Variants in KIRREL3 observed in about 807,000 individuals in gnomAD.
The protein encoded by KIRREL3 is kin of IRRE-like protein 3.
In KIRREL3, 36 loss-of-function variants were observed where a neutral mutation model predicts 89.7. The ratio of observed to expected loss-of-function variants is 0.40; its 90% CI spans 0.31 to 0.53. The LOEUF is 0.53. Among genes scored for constraint, KIRREL3 ranks in the 20% least tolerant of loss-of-function variants. The pLI, the probability that KIRREL3 is intolerant of heterozygous loss-of-function variation, is 0.49. For synonymous variants in KIRREL3, 445 were observed against 441.4 expected (o/e 1.01, Z -0.10); for missense variants, 864 against 1,056.6 (o/e 0.82, Z 2.53).
Position 126,824,293 on chromosome 11 carries a change from C to A in KIRREL3, c.55+176162G>T, listed in dbSNP as rs147501483. Reference sequence around the variant, plus strand: ...GACTGAAGGACCCTCAGCCTTGAATCCTATTCAGAAACAGTCTACAGAGTG... The same window carrying A: ...GACTGAAGGACCCTCAGCCTTGAATACTATTCAGAAACAGTCTACAGAGTG... On this transcript the variant is annotated intron_variant, in intron 1 of 16. Transcript: ENST00000525144. Among the ~76,000 whole-genome samples, 418 of 152,308 alleles carry A rather than the reference C, an allele frequency of 2.7e-3. 2 individuals carry two copies. The highest frequency in any genetic ancestry group is 6.8e-3 in the Middle Eastern group (2 of 294).
chr11:126,627,240 C>G lies in KIRREL3; in HGVS notation c.56-64328G>C, dbSNP rs79704778. 6.6e-6 allele frequency among the ~76,000 whole-genome samples: 1 copy of G among 152,142 alleles called. No homozygotes were observed. The highest frequency in any genetic ancestry group is 1.9e-4 in the East Asian group (1 of 5,178). ...GCCAGGGCACAGAGTGTGAAAGGGA[C>G]CTATTTGGGAGAGGTGGCTGTAGGA... On this transcript the variant is annotated intron_variant, in intron 1 of 16. Coordinates refer to ENST00000525144, the MANE Select transcript of KIRREL3 (RefSeq NM_032531.4). This position sits in a 1 kb window ranked among gnomAD's most constrained non-coding sequence, Gnocchi z 5.0.
rs772160175 is a variant in KIRREL3, at chr11:126,571,269, C to A, written c.56-8357G>T. Among the ~76,000 whole-genome samples, 5 of 152,178 alleles carry A rather than the reference C, an allele frequency of 3.3e-5. No individual in the cohort carries two copies. Among genetic ancestry groups the A allele is most frequent in the African/African-American group, 1.2e-4 (5 of 41,442 alleles). ...CAGACACTGCCTGGGATCTTTCTCC[C>A]AACTGATGAATTGCCTGGAATTCTG... On this transcript the variant is annotated intron_variant, in intron 1 of 16. Transcript: ENST00000525144. The surrounding 1 kb of genome is among the most constrained non-coding windows in gnomAD (Gnocchi z 7.7).
chr11:126,824,239 C>G (rs376980787), intron 1 of KIRREL3, among the ~76,000 whole-genome samples: 2 of 152,158 alleles, frequency 1.3e-5, no homozygotes, highest in African/African-American at 4.8e-5. Flanking sequence ...CATTCTCATC[C>G]GGCAAGCTGA....
Position 126,928,056 on chromosome 11 carries a change from C to T in KIRREL3, c.55+72399G>A, listed in dbSNP as rs577827168. On this transcript the variant is annotated intron_variant, in intron 1 of 16. Transcript: ENST00000525144. ...AGGCTGGATGAAGGCTCCAAGATGG[C>T]GTCTCACAAGGAGTTCAGAATCTAA... Among the ~76,000 whole-genome samples, 448 of 152,322 alleles carry T rather than the reference C, an allele frequency of 2.9e-3. 4 individuals carry two copies. Among genetic ancestry groups the T allele is most frequent in the African/African-American group, 0.01 (427 of 41,570 alleles).
chr11:126,641,166 G>A lies in KIRREL3; in HGVS notation c.56-78254C>T, dbSNP rs970754846. ...ACTCAGACCAGGAAACTTGAAGTGA[G>A]TGATCCTAGACTCTTCTCTTCCTTT... On this transcript the variant is annotated intron_variant, in intron 1 of 16. Coordinates refer to ENST00000525144, the MANE Select transcript of KIRREL3 (RefSeq NM_032531.4). This position sits in a 1 kb window ranked among gnomAD's most constrained non-coding sequence, Gnocchi z 5.0. 2.0e-5 allele frequency among the ~76,000 whole-genome samples: 3 copies of A among 152,194 alleles called. No individual in the cohort carries two copies. The highest frequency in any genetic ancestry group is 6.5e-5 in the Admixed American group (1 of 15,278).
At chr11:126,925,901 C>T (rs1425315301) in intron 1 of KIRREL3, among the ~76,000 whole-genome samples, 1 of 152,214 alleles carries the variant, frequency 6.6e-6, no homozygotes, top group African/African-American at 2.4e-5. Flanking sequence ...GGCTTTCTGC[C>T]AGGTTGACAT....
At chr11:126,949,462 T>G (rs200882088) in intron 1 of KIRREL3, among the ~76,000 whole-genome samples, 1 of 152,196 alleles carries the variant, frequency 6.6e-6, no homozygotes, top group East Asian at 1.9e-4. Context: ...ACAGAGATGC[T>G]CATGCACATG....
At chr11:126,547,114 A>AT (rs1009533452) in intron 2 of KIRREL3, among the ~76,000 whole-genome samples, 206 of 152,374 alleles carry the variant, frequency 1.4e-3, no homozygotes, top group African/African-American at 4.6e-3. Flanking sequence ...CCCACAAGGC[A>AT]GGTATGATTT....
At position 126,429,999 on chromosome 11, in the gene KIRREL3, G is replaced by A. The variant is rs1178562548; in HGVS notation, c.1697-711C>T. 1.3e-5 allele frequency among the ~76,000 whole-genome samples: 2 copies of A among 152,140 alleles called. No individual in the cohort carries two copies. The highest frequency in any genetic ancestry group is 2.4e-5 in the African/African-American group (1 of 41,498). ...AAAATCCAAAAATTAGCTGGGCGTG[G>A]TGGTGGGTGCCTGTAATGCCAGCTA... is the stretch of plus-strand genomic sequence containing the variant. On this transcript the variant is annotated intron_variant, in intron 14 of 16. Transcript: ENST00000525144. This position sits in a 1 kb window ranked among gnomAD's most constrained non-coding sequence, Gnocchi z 5.2.
intron 1 of KIRREL3, among the ~76,000 whole-genome samples, chr11:126,604,887 GC>G (rs1012961233): frequency 1.3e-5 from 2 of 152,174 alleles, no homozygotes; most frequent in African/African-American, 4.8e-5. Context: ...TTAACCCCAA[GC>G]CCCCTCTCCT....
chr11:126,441,764 A>C lies in KIRREL3; in HGVS notation c.1253-1215T>G, dbSNP rs1955574668. On this transcript the variant is annotated intron_variant, in intron 10 of 16. Transcript: ENST00000525144. This position sits in a 1 kb window ranked among gnomAD's most constrained non-coding sequence, Gnocchi z 5.0. ...AAAAGGTACTGTAGACACTCCAGTG[A>C]CTTCTGTTGAGTTTGAGAAGGCAAA... 6.6e-6 allele frequency among the ~76,000 whole-genome samples: 1 copy of C among 152,222 alleles called. No individual in the cohort carries two copies. Among genetic ancestry groups the C allele is most frequent in the South Asian group, 2.1e-4 (1 of 4,832 alleles).
At chr11:126,786,053 A>T (rs1345090796) in intron 1 of KIRREL3, among the ~76,000 whole-genome samples, 1 of 152,126 alleles carries the variant, frequency 6.6e-6, no homozygotes, top group East Asian at 1.9e-4. Context: ...GCACTAAAAA[A>T]ATCTGTGAGG....
chr11:126,482,976 G>A (rs1438239660), intron 4 of KIRREL3, among the ~76,000 whole-genome samples: 1 of 152,214 alleles, frequency 6.6e-6, no homozygotes, highest in African/African-American at 2.4e-5. Context: ...CCAAGATATC[G>A]CATCTTAGAA....
chr11:126,478,552 T>C (rs1422297207), intron 4 of KIRREL3, among the ~76,000 whole-genome samples: 1 of 152,034 alleles, frequency 6.6e-6, no homozygotes, highest in African/African-American at 2.4e-5. Context: ...CATGTGTGTA[T>C]ATGTGTGTAT....
In KIRREL3 at chr11:126,666,927, C is replaced by G. The variant is rs888566210; in HGVS notation, c.56-104015G>C. On this transcript the variant is annotated intron_variant, in intron 1 of 16. Transcript: ENST00000525144. This position sits in a 1 kb window ranked among gnomAD's most constrained non-coding sequence, Gnocchi z 4.2. ...GCTTAGCCAACAGTCTCAGGGTCAG[C>G]ATTTCCTAGTCCTACAAGATTCAGA... Among the ~76,000 whole-genome samples the G allele has an allele frequency of 2.6e-5, 4 of 152,182 alleles. No homozygotes were observed. The highest frequency in any genetic ancestry group is 2.0e-4 in the Admixed American group (3 of 15,282).
At position 126,705,328 on chromosome 11, in the gene KIRREL3, C is replaced by T. The variant is rs899010673; in HGVS notation, c.56-142416G>A. On this transcript the variant is annotated intron_variant, in intron 1 of 16. Coordinates refer to ENST00000525144, the MANE Select transcript of KIRREL3 (RefSeq NM_032531.4). The surrounding 1 kb of genome is among the most constrained non-coding windows in gnomAD (Gnocchi z 4.3). ...GTGGGAGGTGATTGGGTCATGAGGT[C>T]GGATTCCTCAGGAATGGTTTGGCAC... Among the ~76,000 whole-genome samples the T allele has an allele frequency of 6.6e-6, 1 of 152,094 alleles. No individual in the cohort carries two copies. Among genetic ancestry groups the T allele is most frequent in the Non-Finnish European group, 1.5e-5 (1 of 68,024 alleles).
rs6144553 is a variant in KIRREL3 at position 126,821,329 on chromosome 11, G to GTATATATA, written c.55+179118_55+179125dup. On this transcript the variant is annotated intron_variant, in intron 1 of 16. Transcript: ENST00000525144. ...TTTCATGGGTCAACGGATAAACACA[G>GTATATATA]TATATATATATATATATATATATGT... Among the ~76,000 whole-genome samples, 227 of 103,520 alleles carry GTATATATA rather than the reference G, an allele frequency of 2.2e-3. 25 individuals are homozygous for GTATATATA. The highest frequency in any genetic ancestry group is 5.1e-3 in the African/African-American group (102 of 19,990). The allele number at this position is 103,520 out of a possible 152,430, so 67.9% of individuals were successfully genotyped here.
intron 1 of KIRREL3, among the ~76,000 whole-genome samples, chr11:126,793,164 A>G (rs1390934854): frequency 6.6e-6 from 1 of 151,008 alleles, no homozygotes; most frequent in Admixed American, 6.6e-5. Context: ...AGCAGAGGAC[A>G]AGATAATGAC....
intron 1 of KIRREL3, among the ~76,000 whole-genome samples, chr11:126,588,718 G>T (rs1384176414): frequency 1.3e-5 from 2 of 152,182 alleles, no homozygotes; most frequent in African/African-American, 2.4e-5. Context: ...CAAAGGTAAG[G>T]CCTACAAGGG....
Sources: allele counts gnomAD v4.1 joint callset (sites outside exome capture counted in the v4.1 genomes callset), GRCh38; gene constraint gnomAD v4.1.1; non-coding constraint Gnocchi (gnomAD v3.1); transcripts MANE v1.5; gene names NCBI Gene and HGNC (gene_info 2026-07-23, HGNC 2026-07-21).